GORASP2: variants seen among roughly 807,000 people sequenced by gnomAD.
GORASP2 encodes the protein Golgi reassembly-stacking protein 2.
In GORASP2, 22 loss-of-function variants were observed where a neutral mutation model predicts 45.7. The observed-to-expected ratio is 0.48, with a 90% CI of 0.34 to 0.69. The LOEUF (loss-of-function observed/expected upper bound fraction) is 0.69, where lower values mean the gene tolerates loss of function less well. Ranked by LOEUF, GORASP2 falls within the 30% of genes least tolerant of loss-of-function variation. The pLI is 0.01. For synonymous variants in GORASP2, 221 were observed against 215.6 expected (o/e 1.02, Z -0.22); for missense variants, 491 against 562.7 (o/e 0.87, Z 1.29).
chr2:170,951,000 A>AG (rs1704287432), intron 4 of GORASP2, among the ~76,000 whole-genome samples: 1 of 152,154 alleles, frequency 6.6e-6, no homozygotes, highest in Non-Finnish European at 1.5e-5. Context: ...AGAAGAAAAA[A>AG]AAAAGAGTGA....
intron 7 of GORASP2, 92 bp downstream of exon 7, chr2:170,956,651 C>T: frequency 9.0e-7 from 1 of 1,110,792 alleles, no homozygotes; most frequent in Non-Finnish European, 1.3e-6. Flanking sequence ...TGGCTCACAC[C>T]TGTAATCCCA....
At position 170,936,224 on chromosome 2, in the gene GORASP2, CTTTTTT is replaced by C. The variant is rs3079542; in HGVS notation, c.63+6836_63+6841del. On this transcript the variant is annotated intron_variant, in intron 1 of 9. Transcript: ENST00000234160. Reference sequence around the variant, plus strand: ...GTTTGATATGTGCTTTTGAAACTGACTTTTTTTTTTTTTTTTTTTTGAAGCAGGGTC... The same window carrying C: ...GTTTGATATGTGCTTTTGAAACTGACTTTTTTTTTTTTTTGAAGCAGGGTC... Among the ~76,000 whole-genome samples the C allele has an allele frequency of 1.8e-3, 213 of 119,012 alleles. 1 individual carries two copies. Among genetic ancestry groups the C allele is most frequent in the African/African-American group, 6.4e-3 (201 of 31,580 alleles). The allele number at this position is 119,012 out of a possible 152,430, so 78.1% of individuals were successfully genotyped here.
chr2:170,929,174 G>A, upstream of GORASP2: 1 of 470,276 alleles, frequency 2.1e-6, no homozygotes, highest in African/African-American at 2.0e-5. Flanking sequence ...CGGCGTCGCA[G>A]CGGCCCGGGC....
Position 170,966,209 on chromosome 2 carries a change from C to A in GORASP2, c.*79C>A. ...TGGAAACGCAAACTATCATTAATTT[C>A]ATACTAGTTTGTACCGTATCTGTAG... On this transcript the variant is annotated 3_prime_UTR_variant, in exon 10 of 10. Transcript: ENST00000234160. The A allele has an allele frequency of 1.0e-6, 1 of 1,004,954 alleles. No homozygotes were observed. Among genetic ancestry groups the A allele is most frequent in the South Asian group, 1.3e-5 (1 of 76,270 alleles). 62.3% of individuals were successfully genotyped at this position (1,004,954 alleles called of 1,614,324 possible). A position where few individuals can be genotyped will look rare whatever the true frequency, so the allele number is the denominator to read the frequency against.
intron 7 of GORASP2, among the ~76,000 whole-genome samples, chr2:170,958,653 CT>C (rs1179921216): frequency 0.061 from 6,475 of 105,530 alleles, 334 homozygotes; most frequent in African/African-American, 0.15. Context: ...TCCAGATGCT[CT>C]TTTTTTTTTT....
At chr2:170,933,587 A>C (rs561237263) in intron 1 of GORASP2, among the ~76,000 whole-genome samples, 1 of 152,356 alleles carries the variant, frequency 6.6e-6, no homozygotes, top group East Asian at 1.9e-4. Flanking sequence ...GGTAATAAAC[A>C]AGGTTCTCTA....
intron 1 of GORASP2, among the ~76,000 whole-genome samples, chr2:170,942,891 G>C (rs980308950): frequency 6.6e-6 from 1 of 152,052 alleles, no homozygotes; most frequent in African/African-American, 2.4e-5. Context: ...TTTAATTATG[G>C]TCATTCCAGT....
rs1704703482 is a variant in GORASP2, at chr2:170,967,036, T to G, written c.*906T>G. ...CGCATCTTTAACTTTTCACGTCCTA[T>G]GTTTGCTTTCTCCCATTTTTAAGAG... On this transcript the variant is annotated 3_prime_UTR_variant, in exon 10 of 10. Transcript: ENST00000234160. The G allele has an allele frequency of 6.6e-6, 1 of 152,222 alleles. No individual in the cohort carries two copies. Among genetic ancestry groups the G allele is most frequent in the Non-Finnish European group, 1.5e-5 (1 of 68,050 alleles). 9.4% of individuals were successfully genotyped at this position (152,222 alleles called of 1,614,324 possible).
chr2:170,929,120 C>A (rs1485423731), upstream of GORASP2: 24 of 393,904 alleles, frequency 6.1e-5, no homozygotes, highest in Non-Finnish European at 6.3e-5. Flanking sequence ...GGCCCGCGAG[C>A]GCTCGGGCCC....
At position 170,949,740 on chromosome 2, in the gene GORASP2, C is replaced by T. The variant is rs765595321; in HGVS notation, c.346C>T (p.Leu116=). ...DGANENVWHV[L]EVESNSPAAL... The stretch of plus-strand genomic sequence containing the variant: ...GGCAAATGAAAATGTTTGGCATGTG[C>T]TGGTACGTATCAACTGTGAACTGTT... Residue 116 remains leucine (L), a splice_region_variant and synonymous_variant, in exon 3 of 10, where the codon CTG becomes TTG. Transcript: ENST00000234160. The T allele has an allele frequency of 1.2e-6, 2 of 1,604,396 alleles. No individual in the cohort carries two copies. Among genetic ancestry groups the T allele is most frequent in the Non-Finnish European group, 1.7e-6 (2 of 1,171,184 alleles).
intron 7 of GORASP2, among the ~76,000 whole-genome samples, chr2:170,959,114 C>G (rs934417776): frequency 6.6e-6 from 1 of 151,386 alleles, no homozygotes; most frequent in African/African-American, 2.4e-5. Context: ...GCGCACGCCA[C>G]CATGCCCGGC....
chr2:170,934,734 T>TTTTG (rs1001104297), intron 1 of GORASP2, among the ~76,000 whole-genome samples: 3 of 152,180 alleles, frequency 2.0e-5, no homozygotes, highest in South Asian at 2.1e-4. Context: ...TTTTTTTCTT[T>TTTTG]TTTGTTTGTT....
At chr2:170,956,713 G>A (rs2105325757) in intron 7 of GORASP2, among the ~76,000 whole-genome samples, 154 bp downstream of exon 7, 1 of 151,858 alleles carries the variant, frequency 6.6e-6, no homozygotes, top group South Asian at 2.1e-4. Context: ...TTCTAAACCA[G>A]CATGGGCAAT....
At chr2:170,930,047 TC>T (rs1250893896) in intron 1 of GORASP2, 7 of 264,934 alleles carry the variant, frequency 2.6e-5, no homozygotes, top group Non-Finnish European at 4.7e-5. Flanking sequence ...AGTGGGAACT[TC>T]CGTTCTGTTC....
At chr2:170,936,294 A>G (rs895573126) in intron 1 of GORASP2, among the ~76,000 whole-genome samples, 1 of 136,410 alleles carries the variant, frequency 7.3e-6, no homozygotes, top group Admixed American at 8.6e-5. Flanking sequence ...TGGTGTGGTC[A>G]TGGCCCACTG....
At chr2:170,929,658 C>CG (rs1703767669) in intron 1 of GORASP2, 5 of 617,124 alleles carry the variant, frequency 8.1e-6, no homozygotes, top group South Asian at 1.7e-5. Context: ...GCGACTCGGC[C>CG]AGGGGGCGGC....
chr2:170,954,505 A>G (rs2105324289), intron 5 of GORASP2, 145 bp from the exon 6 acceptor site: 1 of 626,234 alleles, frequency 1.6e-6, no homozygotes, highest in East Asian at 2.8e-5. Flanking sequence ...GTTTGTTTTT[A>G]TCTTTTAAAA....
chr2:170,948,256 T>G (rs1234577277), intron 1 of GORASP2, 94 bp from the exon 2 acceptor site: 2 of 742,062 alleles, frequency 2.7e-6, no homozygotes, highest in East Asian at 5.0e-5. Context: ...TCATTATCAG[T>G]GAAATTGGTC....
chr2:170,948,318 A>T, intron 1 of GORASP2, 32 bp from the exon 2 acceptor site: 1 of 1,301,232 alleles, frequency 7.7e-7, no homozygotes, highest in Non-Finnish European at 1.1e-6. Context: ...TAAGCTTTAC[A>T]TTTTTTATTT....
Sources: gnomAD v4.1 joint callset for allele counts (sites outside exome capture counted in the v4.1 genomes callset) on GRCh38, gnomAD v4.1.1 for gene constraint, MANE v1.5 for transcripts, NCBI Gene and HGNC (gene_info 2026-07-23, HGNC 2026-07-21) for gene names.